Variants in LRRIQ1 observed in about 807,000 individuals in gnomAD.
LRRIQ1 encodes the protein leucine-rich repeat- and IQ domain-containing protein 1.
In LRRIQ1, 210 loss-of-function variants were observed where a neutral mutation model predicts 211.9. The ratio of observed to expected loss-of-function variants is 0.99; its 90% confidence interval spans 0.89 to 1.11. The LOEUF (loss-of-function observed/expected upper bound fraction) is 1.11. LRRIQ1 is among the 50% of genes most tolerant of loss of function. The probability of loss-of-function intolerance (pLI) is 0.00; values close to 1 mark genes in which losing one functional copy is unlikely to be tolerated. For missense variants in LRRIQ1, 2,136 were observed against 1,939.5 expected (o/e 1.10, Z -1.90); for synonymous variants, 699 against 650.1 (o/e 1.08, Z -1.14).
chr12:85,124,447 T>TC lies in LRRIQ1; in HGVS notation c.3938dup (p.Phe1314IlefsTer2). 2 of 1,613,808 alleles carry TC rather than the reference T, an allele frequency of 1.2e-6. No individual in the cohort carries two copies. Among genetic ancestry groups the TC allele is most frequent in the Non-Finnish European group, 1.7e-6 (2 of 1,180,014 alleles). ...GCAAGCAGTATTCCCACCATAAGAA[T>TC]CCCATTTAAGGAAGTAGTAATGACA... On this transcript the variant is annotated frameshift_variant, in exon 17 of 27. Coordinates refer to ENST00000393217, the MANE Select transcript of LRRIQ1 (RefSeq NM_001079910.2). LOFTEE classifies it high-confidence loss of function.
chr12:85,197,948 T>C (rs192359272), intron 24 of LRRIQ1, among the ~76,000 whole-genome samples: 11 of 111,908 alleles, frequency 9.8e-5, no homozygotes, highest in African/African-American at 3.9e-4. Context: ...TATATTTATA[T>C]ATAATTATAT....
intron 1 of LRRIQ1, among the ~76,000 whole-genome samples, chr12:85,250,879 T>A (rs12817882): frequency 3.9e-5 from 3 of 77,200 alleles, no homozygotes; most frequent in Non-Finnish European, 7.6e-5. Flanking sequence ...ATATATTATA[T>A]TATATATAAT....
intron 1 of LRRIQ1, among the ~76,000 whole-genome samples, chr12:85,251,252 G>A (rs1185894675): frequency 4.6e-5 from 7 of 151,162 alleles, no homozygotes; most frequent in South Asian, 2.1e-4. Context: ...TGTCAAGAAA[G>A]CATTGTTTCA....
At chr12:85,168,958 G>T (rs1218185728) in intron 24 of LRRIQ1, among the ~76,000 whole-genome samples, 2 of 152,106 alleles carry the variant, frequency 1.3e-5, no homozygotes, top group East Asian at 3.9e-4. Context: ...ATCATCAATA[G>T]GGTAAAACTA....
At chr12:85,115,244 TG>T (rs1887489948) in intron 15 of LRRIQ1, among the ~76,000 whole-genome samples, 1 of 152,174 alleles carries the variant, frequency 6.6e-6, no homozygotes, top group African/African-American at 2.4e-5. Context: ...TTCATCAACT[TG>T]TTATGACACT....
At chr12:85,257,071 TA>T (rs1267946566) in intron 1 of LRRIQ1, among the ~76,000 whole-genome samples, 2 of 111,092 alleles carry the variant, frequency 1.8e-5, no homozygotes, top group African/African-American at 3.6e-5. Context: ...TATAATTATA[TA>T]AATATATATA....
In LRRIQ1 at chr12:85,127,839, G is replaced by C; in HGVS notation, c.4015G>C (p.Ala1339Pro). The change falls in exon 18 of 27, where the codon GCT becomes CCT. Residue 1339 changes from alanine to proline, a missense_variant. Ala to Pro is a conservative substitution (Grantham distance 27, BLOSUM62 -1). Transcript: ENST00000393217. Reference sequence around the variant, plus strand: ...TTTTTCTCCTCTTAATAGTATGGCAGCTGTGGTAATCCAGTCATACTGGCG... The same window carrying C: ...TTTTTCTCCTCTTAATAGTATGGCACCTGTGGTAATCCAGTCATACTGGCG... Reference protein sequence around the residue: ...NIEPSEKIMAAVVIQSYWRGY... With the variant: ...NIEPSEKIMAPVVIQSYWRGY... The C allele has an allele frequency of 1.2e-6, 2 of 1,613,518 alleles. No homozygotes were observed. Among genetic ancestry groups the C allele is most frequent in the Non-Finnish European group, 1.7e-6 (2 of 1,179,774 alleles).
At chr12:85,250,953 T>G (rs193045528) in intron 1 of LRRIQ1, among the ~76,000 whole-genome samples, 8,278 of 91,878 alleles carry the variant, frequency 0.09, 329 homozygotes, top group East Asian at 0.12. Flanking sequence ...ATATTTTATA[T>G]ATTATATATT....
chr12:85,258,139 A>G (rs1248252986), intron 1 of LRRIQ1, among the ~76,000 whole-genome samples: 2 of 140,624 alleles, frequency 1.4e-5, no homozygotes, highest in Non-Finnish European at 3.0e-5. Context: ...TTTTTTCAAA[A>G]TAAATATACA....
chr12:85,067,792 A>G (rs1882601484), intron 10 of LRRIQ1, among the ~76,000 whole-genome samples: 1 of 151,850 alleles, frequency 6.6e-6, no homozygotes, highest in Non-Finnish European at 1.5e-5. Context: ...TCACATTTCT[A>G]AATGAAATTA....
chr12:85,213,945 G>T (rs2137083706), intron 24 of LRRIQ1, among the ~76,000 whole-genome samples: 1 of 152,032 alleles, frequency 6.6e-6, no homozygotes, highest in South Asian at 2.1e-4. Flanking sequence ...GAATAGAAAA[G>T]GGATAGATTG....
At chr12:85,078,643 C>A (rs539094577) in intron 11 of LRRIQ1, among the ~76,000 whole-genome samples, 1 of 151,984 alleles carries the variant, frequency 6.6e-6, no homozygotes, top group African/African-American at 2.4e-5. Flanking sequence ...TTAAATTGAC[C>A]AGTTTCATCA....
chr12:85,213,953 T>C (rs564738205), intron 24 of LRRIQ1, among the ~76,000 whole-genome samples: 13 of 152,072 alleles, frequency 8.5e-5, no homozygotes, highest in Middle Eastern at 6.8e-3. Context: ...AAGGGATAGA[T>C]TGACAGATGA....
intron 19 of LRRIQ1, among the ~76,000 whole-genome samples, chr12:85,149,677 A>G (rs1404340592): frequency 6.6e-6 from 1 of 151,774 alleles, no homozygotes; most frequent in Non-Finnish European, 1.5e-5. Context: ...GGTAATGCCA[A>G]ATCTATTTGA....
chr12:85,151,468 A>T (rs1196547374), intron 19 of LRRIQ1, among the ~76,000 whole-genome samples: 1 of 151,530 alleles, frequency 6.6e-6, no homozygotes, highest in East Asian at 1.9e-4. Flanking sequence ...ACCTTTTTTA[A>T]AAAAAATTGG....
chr12:85,124,383 C>A lies in LRRIQ1; in HGVS notation c.3871C>A (p.Gln1291Lys), dbSNP rs1166949335. The A allele has an allele frequency of 1.9e-6, 3 of 1,614,014 alleles. No individual in the cohort carries two copies. Among genetic ancestry groups the A allele is most frequent in the Non-Finnish European group, 2.5e-6 (3 of 1,180,018 alleles). The change falls in exon 17 of 27, where the codon CAG becomes AAG. Residue 1291 changes from glutamine (Q) to lysine (K), a missense_variant. Transcript: ENST00000393217. ...ATCENMEGRH[Q>K]EILVCQKRED... ...ATGTGAAAATATGGAAGGAAGACAT[C>A]AGGAAATATTAGTATGTCAGAAGAG... is the stretch of plus-strand genomic sequence containing the variant.
intron 24 of LRRIQ1, among the ~76,000 whole-genome samples, chr12:85,183,066 TTAAAAA>T (rs1373420098): frequency 3.9e-5 from 6 of 152,194 alleles, no homozygotes; most frequent in Non-Finnish European, 8.8e-5. Context: ...AAAATAAAAC[TTAAAAA>T]TAAAATCTGT....
chr12:85,073,275 A>G (rs1335266580), intron 11 of LRRIQ1, among the ~76,000 whole-genome samples, 177 bp downstream of exon 11: 1 of 152,008 alleles, frequency 6.6e-6, no homozygotes, highest in Non-Finnish European at 1.5e-5. Context: ...TACTTTTGAA[A>G]ATATAACATA....
At chr12:85,124,669 A>G in intron 17 of LRRIQ1, 150 bp downstream of exon 17, 4 of 629,694 alleles carry the variant, frequency 6.4e-6, no homozygotes, top group Non-Finnish European at 5.5e-6. Flanking sequence ...GAGGTGCATT[A>G]TGTTTTCATG....
Sources: gnomAD v4.1 joint callset for allele counts (sites outside exome capture counted in the v4.1 genomes callset) on GRCh38, gnomAD v4.1.1 for gene constraint, MANE v1.5 for transcripts, NCBI Gene and HGNC (gene_info 2026-07-23, HGNC 2026-07-21) for gene names.